Variants in CFAP299 observed in about 807,000 individuals in gnomAD.
CFAP299 encodes the protein cilia- and flagella-associated protein 299.
CFAP299 carries 21 observed loss-of-function variants against 27.0 expected under a neutral mutation model. The observed-to-expected ratio is 0.78, with a 90% confidence interval of 0.55 to 1.12. The LOEUF is 1.12. CFAP299 is among the 50% of genes most tolerant of loss of function. The probability of loss-of-function intolerance (pLI) is 0.00; values close to 1 mark genes in which losing one functional copy is unlikely to be tolerated. For missense variants in CFAP299, 310 were observed against 276.6 expected (o/e 1.12, Z -0.86); for synonymous variants, 104 against 98.1 (o/e 1.06, Z -0.36).
intron 2 of CFAP299, among the ~76,000 whole-genome samples, chr4:80,414,629 C>T (rs190079865): frequency 1.3e-5 from 2 of 152,262 alleles, no homozygotes; most frequent in East Asian, 3.9e-4. Context: ...TGTGCACCTC[C>T]TCAAGATAAA....
intron 3 of CFAP299, among the ~76,000 whole-genome samples, chr4:80,610,916 A>G (rs1424393708): frequency 1.3e-5 from 2 of 151,960 alleles, no homozygotes; most frequent in African/African-American, 4.8e-5. Context: ...TCACCCTGTA[A>G]GTTTCTTTAA....
At chr4:80,633,565 C>T (rs891066723) in intron 3 of CFAP299, among the ~76,000 whole-genome samples, 6 of 152,092 alleles carry the variant, frequency 3.9e-5, no homozygotes, top group Non-Finnish European at 8.8e-5. Context: ...TATAATTTGC[C>T]ATCTTAAGAG....
At chr4:80,424,237 C>A (rs761539846) in intron 2 of CFAP299, among the ~76,000 whole-genome samples, 3 of 152,136 alleles carry the variant, frequency 2.0e-5, no homozygotes, top group Non-Finnish European at 4.4e-5. Context: ...CCTTAACCTT[C>A]CCACGTGGTG....
rs148764444 is a variant in CFAP299 at position 80,748,833 on chromosome 4, C to T, written c.334-121160C>T. On this transcript the variant is annotated intron_variant, in intron 3 of 5. Coordinates refer to ENST00000358105, the MANE Select transcript of CFAP299 (RefSeq NM_152770.3). ...ATTATTTGTTCTGATCATTTGCCCACGTGTTCAGCCTGTGTATTGTTTGCC... is the reference window on the plus strand; with the variant it reads ...ATTATTTGTTCTGATCATTTGCCCATGTGTTCAGCCTGTGTATTGTTTGCC... Among the ~76,000 whole-genome samples, 230 of 152,254 alleles carry T rather than the reference C, an allele frequency of 1.5e-3. 1 individual carries two copies. Among genetic ancestry groups the T allele is most frequent in the Middle Eastern group, 3.4e-3 (1 of 294 alleles).
At chr4:80,369,898 C>G (rs889897091) in intron 2 of CFAP299, among the ~76,000 whole-genome samples, 22 of 152,258 alleles carry the variant, frequency 1.4e-4, no homozygotes, top group African/African-American at 2.6e-4. Flanking sequence ...ACCAGAGGAC[C>G]CCATGTTCAT....
chr4:80,423,278 A>G (rs1727374920), intron 2 of CFAP299, among the ~76,000 whole-genome samples: 1 of 152,242 alleles, frequency 6.6e-6, no homozygotes, highest in South Asian at 2.1e-4. Context: ...CAAAGTTTAG[A>G]AAGTATTATT....
At position 80,676,158 on chromosome 4, in the gene CFAP299, C is replaced by T. The variant is rs116318018; in HGVS notation, c.333+92975C>T. ...GCTGCAGACCCAAGCTGTTCCTATT[C>T]GGCCATCTTGGAATGGAATCTTTTA... On this transcript the variant is annotated intron_variant, in intron 3 of 5. Transcript: ENST00000358105. 7.2e-3 allele frequency among the ~76,000 whole-genome samples: 1,090 copies of T among 152,236 alleles called. 16 individuals are homozygous for T. Among genetic ancestry groups the T allele is most frequent in the African/African-American group, 0.025 (1,029 of 41,544 alleles).
At chr4:80,903,498 GA>G (rs1485839834) in intron 4 of CFAP299, among the ~76,000 whole-genome samples, 1 of 151,592 alleles carries the variant, frequency 6.6e-6, no homozygotes, top group South Asian at 2.1e-4. Context: ...TCCAGAAAGG[GA>G]AAAAAACTAT....
chr4:80,390,609 A>G (rs985013481), intron 2 of CFAP299, among the ~76,000 whole-genome samples: 11 of 144,790 alleles, frequency 7.6e-5, no homozygotes, highest in Non-Finnish European at 1.7e-4. Flanking sequence ...ATGTATACAC[A>G]CATATGTATA....
At chr4:80,454,622 C>G (rs1164816031) in intron 2 of CFAP299, among the ~76,000 whole-genome samples, 5 of 152,122 alleles carry the variant, frequency 3.3e-5, no homozygotes, top group Non-Finnish European at 7.4e-5. Flanking sequence ...GAAATTGAAA[C>G]ATAAGAAAAC....
At chr4:80,390,578 C>CATATGT (rs1351733233) in intron 2 of CFAP299, among the ~76,000 whole-genome samples, 7 of 27,322 alleles carry the variant, frequency 2.6e-4, no homozygotes, top group Non-Finnish European at 7.3e-4. Context: ...TGTATACACA[C>CATATGT]ATATATGTAT....
chr4:80,402,909 A>ACCCT (rs1334415050), intron 2 of CFAP299, among the ~76,000 whole-genome samples: 1 of 152,244 alleles, frequency 6.6e-6, no homozygotes, highest in Admixed American at 6.5e-5. Context: ...GGGTTTGAAA[A>ACCCT]GGATGTCATG....
At chr4:80,784,412 A>T (rs1464142049) in intron 3 of CFAP299, among the ~76,000 whole-genome samples, 1 of 152,170 alleles carries the variant, frequency 6.6e-6, no homozygotes, top group Non-Finnish European at 1.5e-5. Flanking sequence ...GATATCTCAT[A>T]GTGGTTTTAA....
At chr4:80,526,255 A>G (rs751630515) in intron 2 of CFAP299, among the ~76,000 whole-genome samples, 1 of 152,158 alleles carries the variant, frequency 6.6e-6, no homozygotes, top group East Asian at 1.9e-4. Context: ...AAGAAAATAT[A>G]TTCATTTGGA....
At chr4:80,403,580 C>G (rs1726268448) in intron 2 of CFAP299, among the ~76,000 whole-genome samples, 2 of 152,082 alleles carry the variant, frequency 1.3e-5, no homozygotes. Flanking sequence ...ATGACTGGCT[C>G]CTTCTTGTCA....
At chr4:80,400,192 A>G (rs1726067503) in intron 2 of CFAP299, among the ~76,000 whole-genome samples, 1 of 152,142 alleles carries the variant, frequency 6.6e-6, no homozygotes, top group Admixed American at 6.5e-5. Flanking sequence ...ATCCGAGTGT[A>G]TTTTGTATAT....
At chr4:80,871,435 G>T (rs1273865958) in intron 4 of CFAP299, 2 of 985,248 alleles carry the variant, frequency 2.0e-6, no homozygotes, top group African/African-American at 1.7e-5. Context: ...CAAAACTGTG[G>T]ATTGCTGTGC....
At chr4:80,473,917 C>T (rs753370529) in intron 2 of CFAP299, among the ~76,000 whole-genome samples, 5 of 152,062 alleles carry the variant, frequency 3.3e-5, no homozygotes, top group Non-Finnish European at 7.4e-5. Context: ...ATATCTTTGG[C>T]TACCTAAAAA....
chr4:80,492,467 G>A (rs913428949), intron 2 of CFAP299, among the ~76,000 whole-genome samples: 2 of 152,160 alleles, frequency 1.3e-5, no homozygotes, highest in Non-Finnish European at 2.9e-5. Flanking sequence ...GCAGTTTTGA[G>A]GATCCAGGTA....
Sources: allele counts gnomAD v4.1 joint callset (sites outside exome capture counted in the v4.1 genomes callset), GRCh38; gene constraint gnomAD v4.1.1; transcripts MANE v1.5; gene names NCBI Gene and HGNC (gene_info 2026-07-23, HGNC 2026-07-21).